Variants in ZNF827 observed in about 807,000 individuals in gnomAD.
ZNF827 encodes the protein zinc finger protein 827.
A neutral mutation model predicts 102.4 loss-of-function variants in ZNF827; 13 were observed. The ratio of observed to expected loss-of-function variants is 0.13; its 90% confidence interval spans 0.08 to 0.20. The LOEUF is 0.20. Ranked by LOEUF, ZNF827 falls within the 10% of genes least tolerant of loss-of-function variation. ZNF827 has a pLI of 1.00. For missense variants in ZNF827, 1,103 were observed against 1,344.4 expected (o/e 0.82, Z 2.81); for synonymous variants, 523 against 536.2 (o/e 0.98, Z 0.34).
In ZNF827 at chr4:145,782,215, C is replaced by T. The variant is rs187912161; in HGVS notation, c.2384-2704G>A. 7.1e-4 allele frequency among the ~76,000 whole-genome samples: 108 copies of T among 152,318 alleles called. 2 individuals are homozygous for T. Among genetic ancestry groups the T allele is most frequent in the African/African-American group, 2.5e-3 (103 of 41,580 alleles). On this transcript the variant is annotated intron_variant, in intron 8 of 14. Transcript: ENST00000508784. ...ATTTTGCACACAGGAACAAGGCAACCACAGGCCATTTGGAGTCTTATCCCA... is the reference window on the plus strand; with the variant it reads ...ATTTTGCACACAGGAACAAGGCAACTACAGGCCATTTGGAGTCTTATCCCA...
intron 5 of ZNF827, among the ~76,000 whole-genome samples, chr4:145,853,697 G>A (rs1746765034): frequency 6.6e-6 from 1 of 152,094 alleles, no homozygotes; most frequent in Non-Finnish European, 1.5e-5. Context: ...AATGAAAAGA[G>A]GCTGGGTCTG....
At chr4:145,917,789 T>A (rs1050692163) in intron 1 of ZNF827, among the ~76,000 whole-genome samples, 2 of 145,902 alleles carry the variant, frequency 1.4e-5, no homozygotes, top group African/African-American at 5.0e-5. Flanking sequence ...TATTCCTACA[T>A]CAGTTCCTCT....
At chr4:145,787,543 A>C (rs1739064895) in intron 8 of ZNF827, among the ~76,000 whole-genome samples, 1 of 151,442 alleles carries the variant, frequency 6.6e-6, no homozygotes, top group South Asian at 2.1e-4. Context: ...TTCTTTTTAG[A>C]TGTAAGAGTT....
At chr4:145,786,638 G>A (rs912217587) in intron 8 of ZNF827, among the ~76,000 whole-genome samples, 1 of 152,104 alleles carries the variant, frequency 6.6e-6, no homozygotes, top group African/African-American at 2.4e-5. Flanking sequence ...GAACTTTCTG[G>A]TCAGACTCCA....
chr4:145,814,501 A>G, intron 8 of ZNF827, among the ~76,000 whole-genome samples: 1 of 152,142 alleles, frequency 6.6e-6, no homozygotes, highest in South Asian at 2.1e-4. Context: ...AGAGGTCCCC[A>G]GGGAAATTAA....
intron 11 of ZNF827, among the ~76,000 whole-genome samples, chr4:145,772,725 G>C (rs1736467298): frequency 6.6e-6 from 1 of 152,220 alleles, no homozygotes. Context: ...TCTTAGAGCA[G>C]CAGCATTAAA....
chr4:145,917,723 AAAAG>A (rs1241919927), intron 1 of ZNF827, among the ~76,000 whole-genome samples: 3 of 147,238 alleles, frequency 2.0e-5, no homozygotes, highest in South Asian at 4.3e-4. Flanking sequence ...AAAAAAAAAA[AAAAG>A]AAAAGAAAAA....
Position 145,760,792 on chromosome 4 carries a change from G to C in ZNF827, c.*824C>G. 1 of 1,171,926 alleles carries C rather than the reference G, an allele frequency of 8.5e-7. No homozygotes were observed. The highest frequency in any genetic ancestry group is 1.1e-6 in the Non-Finnish European group (1 of 932,432). 72.6% of individuals were successfully genotyped at this position (1,171,926 alleles called of 1,614,324 possible). ...ACATGGCTGCCCTCAGACAGTCTCT[G>C]CTCTTTCTCTCAGTCCGAGATAGGC... On this transcript the variant is annotated 3_prime_UTR_variant, in exon 15 of 15. Coordinates refer to ENST00000508784, the MANE Select transcript of ZNF827 (RefSeq NM_001306215.2).
intron 8 of ZNF827, among the ~76,000 whole-genome samples, chr4:145,823,078 C>T (rs1282119175): frequency 6.6e-6 from 1 of 152,126 alleles, no homozygotes; most frequent in Non-Finnish European, 1.5e-5. Flanking sequence ...CGCCACTGCC[C>T]TCCCCTATAT....
intron 8 of ZNF827, among the ~76,000 whole-genome samples, chr4:145,801,159 GA>G (rs1319186735): frequency 2.4e-3 from 355 of 149,370 alleles, no homozygotes; most frequent in African/African-American, 7.3e-3. Flanking sequence ...CTATGTGAAG[GA>G]AAAAAAAAAT....
chr4:145,886,186 A>G, intron 3 of ZNF827, 28 bp from the exon 4 acceptor site: 1 of 1,556,196 alleles, frequency 6.4e-7, no homozygotes, highest in Non-Finnish European at 8.7e-7. Flanking sequence ...AGAATGAGCT[A>G]GCCACCGTGC....
intron 4 of ZNF827, among the ~76,000 whole-genome samples, chr4:145,879,227 T>C (rs1003806184): frequency 6.6e-6 from 1 of 152,190 alleles, no homozygotes; most frequent in Non-Finnish European, 1.5e-5. Flanking sequence ...CCTTTAAGTC[T>C]CGGCCTCCTT....
intron 1 of ZNF827, among the ~76,000 whole-genome samples, chr4:145,908,105 G>A (rs559406822): frequency 1.3e-5 from 2 of 152,128 alleles, no homozygotes; most frequent in Admixed American, 1.3e-4. Flanking sequence ...GCATTTAATT[G>A]GACCAATATA....
At chr4:145,857,497 G>T (rs1747266753) in intron 5 of ZNF827, among the ~76,000 whole-genome samples, 1 of 152,210 alleles carries the variant, frequency 6.6e-6, no homozygotes, top group Non-Finnish European at 1.5e-5. Context: ...AGCTAACTCA[G>T]TTGGATATCT....
chr4:145,916,839 A>C (rs188156091), intron 1 of ZNF827, among the ~76,000 whole-genome samples: 2 of 152,198 alleles, frequency 1.3e-5, no homozygotes, highest in Admixed American at 1.3e-4. Flanking sequence ...ACCCTAGTTG[A>C]TGGCTCTTAA....
chr4:145,775,980 A>C lies in ZNF827; in HGVS notation c.2522-20T>G. 6.2e-7 allele frequency: 1 copy of C among 1,614,038 alleles called. No homozygotes were observed. On this transcript the variant is annotated intron_variant, in intron 9 of 14. Transcript: ENST00000508784. ...TTTCCTCTGGGGGAGAAGGAACAGG[A>C]AAAAGCCCAAATCGCTTTCAAAAAA...
intron 5 of ZNF827, among the ~76,000 whole-genome samples, chr4:145,852,946 T>G (rs1746684687): frequency 3.3e-5 from 5 of 152,162 alleles, no homozygotes; most frequent in African/African-American, 1.2e-4. Flanking sequence ...TCCTCTAGTT[T>G]TAACAACCAA....
chr4:145,829,615 G>C (rs1744004695), intron 7 of ZNF827, among the ~76,000 whole-genome samples: 1 of 152,314 alleles, frequency 6.6e-6, no homozygotes, highest in Admixed American at 6.5e-5. Flanking sequence ...ATATATGTCT[G>C]AGAAACTATA....
At chr4:145,921,300 G>C (rs931419972) in intron 1 of ZNF827, among the ~76,000 whole-genome samples, 1 of 152,066 alleles carries the variant, frequency 6.6e-6, no homozygotes, top group African/African-American at 2.4e-5. Context: ...TTCTAGATTT[G>C]CTTCTTGGCA....
Sources: gnomAD v4.1 joint callset for allele counts (sites outside exome capture counted in the v4.1 genomes callset) on GRCh38, gnomAD v4.1.1 for gene constraint, MANE v1.5 for transcripts, NCBI Gene and HGNC (gene_info 2026-07-23, HGNC 2026-07-21) for gene names.